The following PHF3 variants were observed in gnomAD, a reference collection of about 807,000 sequenced individuals.
The protein encoded by PHF3 is PHD finger protein 3.
A neutral mutation model predicts 178.4 loss-of-function variants in PHF3; 41 were observed. The observed-to-expected ratio is 0.23, with a 90% CI of 0.18 to 0.30. The LOEUF is 0.30. PHF3 is among the 10% of genes least tolerant of loss of function. The pLI is 1.00. For synonymous variants in PHF3, 842 were observed against 800.5 expected (o/e 1.05, Z -0.88); for missense variants, 2,346 against 2,398.1 (o/e 0.98, Z 0.45).
chr6:63,673,567 C>T (rs1273795407), intron 2 of PHF3, among the ~76,000 whole-genome samples: 5 of 152,204 alleles, frequency 3.3e-5, no homozygotes. Flanking sequence ...GTTAATCCTT[C>T]ACATCTACAA....
chr6:63,707,879 T>TTGTTTC (rs1767762311), intron 13 of PHF3, among the ~76,000 whole-genome samples: 1 of 152,040 alleles, frequency 6.6e-6, no homozygotes, highest in South Asian at 2.1e-4. Flanking sequence ...GTTTTTGTTT[T>TTGTTTC]TGTTTTGAGA....
chr6:63,710,140 T>C (rs1327565319), intron 14 of PHF3, among the ~76,000 whole-genome samples: 2 of 152,166 alleles, frequency 1.3e-5, no homozygotes, highest in Non-Finnish European at 2.9e-5. Context: ...AAAAGAATAT[T>C]TTGTTCCAGT....
chr6:63,724,779 T>C lies in PHF3; in HGVS notation c.*11071T>C, dbSNP rs1768548466. Among the ~76,000 whole-genome samples the C allele has an allele frequency of 6.6e-6, 1 of 152,168 alleles. No individual in the cohort carries two copies. The highest frequency in any genetic ancestry group is 6.5e-5 in the Admixed American group (1 of 15,278). Reference sequence around the variant, plus strand: ...AAGAGATACAGAAACCATGTTAATTTAGAATTTGGTTTTCAATATGTGAAA... The same window carrying C: ...AAGAGATACAGAAACCATGTTAATTCAGAATTTGGTTTTCAATATGTGAAA... On this transcript the variant is annotated 3_prime_UTR_variant, in exon 16 of 16. Coordinates refer to ENST00000262043, the MANE Select transcript of PHF3 (RefSeq NM_001370348.2).
rs1766614408 is a variant in PHF3, at chr6:63,684,959, A to G, written c.1237A>G (p.Ser413Gly). The G allele has an allele frequency of 6.2e-7, 1 of 1,614,000 alleles. No homozygotes were observed. The highest frequency in any genetic ancestry group is 8.5e-7 in the Non-Finnish European group (1 of 1,179,892). ...TGCGGAGTCTAATAGGCAGTTGGAG[A>G]GCACTGAGTTTAATAAATCAAACTT... ...EDAESNRQLESTEFNKSNLEV... is the reference protein window; with the variant it reads ...EDAESNRQLEGTEFNKSNLEV... The change falls in exon 4 of 16, where the codon AGC becomes GGC. Residue 413 changes from serine (S) to glycine (G), a missense_variant. By Grantham distance (56) the Ser-to-Gly change is moderately conservative (BLOSUM62 0). Around this residue, in one of 8 missense-constraint regions of PHF3, gnomAD observed 843 missense variants for 795.2 expected, o/e 1.06. Coordinates refer to ENST00000262043, the MANE Select transcript of PHF3 (RefSeq NM_001370348.2).
intron 1 of PHF3, among the ~76,000 whole-genome samples, chr6:63,638,939 A>C (rs1175265108): frequency 5.3e-5 from 8 of 152,166 alleles, no homozygotes; most frequent in Non-Finnish European, 1.2e-4. Flanking sequence ...TTAAACATAC[A>C]TGAGACCCTG....
At chr6:63,649,301 ATTT>A (rs1764924507) in intron 2 of PHF3, among the ~76,000 whole-genome samples, 1 of 152,102 alleles carries the variant, frequency 6.6e-6, no homozygotes, top group Non-Finnish European at 1.5e-5. Flanking sequence ...ACTTTCAGCT[ATTT>A]ATAAATAACT....
Position 63,646,806 on chromosome 6 carries a change from CTTTTTTT to C in PHF3, c.244+27_244+33del. The stretch of plus-strand genomic sequence containing the variant: ...TGCCTTGTTCAACAGGTAATTCTTA[CTTTTTTT>C]TTTTTTTTTTTTTTTAGTCTGCAAT... On this transcript the variant is annotated intron_variant, in intron 2 of 15. Coordinates refer to ENST00000262043, the MANE Select transcript of PHF3 (RefSeq NM_001370348.2). The C allele has an allele frequency of 5.3e-5, 54 of 1,013,146 alleles. No homozygotes were observed. Among genetic ancestry groups the C allele is most frequent in the East Asian group, 2.3e-4 (6 of 25,946 alleles). The allele number at this position is 1,013,146 out of a possible 1,614,324, so 62.8% of individuals were successfully genotyped here.
Position 63,659,726 on chromosome 6 carries a change from A to G in PHF3, c.244+12931A>G, listed in dbSNP as rs1213867852. Among the ~76,000 whole-genome samples the G allele has an allele frequency of 2.6e-5, 4 of 152,188 alleles. No individual in the cohort carries two copies. In the East Asian group the frequency reaches 5.8e-4, roughly 22 times the overall value. On this transcript the variant is annotated intron_variant, in intron 2 of 15. Transcript: ENST00000262043. ...GCCTAATCTGAAAATCCCAACTCCA[A>G]AATGCTCCAATGAGCATATCCTTTT...
chr6:63,688,716 G>A (rs756877728), intron 4 of PHF3, among the ~76,000 whole-genome samples: 1 of 151,900 alleles, frequency 6.6e-6, no homozygotes, highest in Non-Finnish European at 1.5e-5. Context: ...TATACATTTC[G>A]TTTACTCAGA....
intron 6 of PHF3, among the ~76,000 whole-genome samples, chr6:63,696,384 A>G (rs997478985): frequency 1.3e-5 from 2 of 152,174 alleles, no homozygotes; most frequent in African/African-American, 2.4e-5. Context: ...CAGTAGTGCA[A>G]TAGCAGCTCA....
intron 3 of PHF3, among the ~76,000 whole-genome samples, chr6:63,681,716 G>GT (rs905169051): frequency 6.6e-6 from 1 of 151,886 alleles, no homozygotes; most frequent in Admixed American, 6.6e-5. Context: ...TCCTTTCATA[G>GT]TTTCTGACTT....
intron 2 of PHF3, among the ~76,000 whole-genome samples, chr6:63,671,519 G>C (rs1046434480): frequency 1.3e-5 from 2 of 152,150 alleles, no homozygotes; most frequent in Non-Finnish European, 2.9e-5. Context: ...GTTAGGGAAG[G>C]CCTCTCTCAA....
chr6:63,690,646 T>C (rs1166897626), intron 4 of PHF3, among the ~76,000 whole-genome samples: 2 of 152,150 alleles, frequency 1.3e-5, no homozygotes. Context: ...TAGCACGGTC[T>C]TTAGATTGTT....
intron 1 of PHF3, among the ~76,000 whole-genome samples, chr6:63,639,238 C>G (rs1764474929): frequency 6.6e-6 from 1 of 152,146 alleles, no homozygotes; most frequent in African/African-American, 2.4e-5. Flanking sequence ...TTGGCATAAT[C>G]TAACTTTATT....
At position 63,716,517 on chromosome 6, in the gene PHF3, A is replaced by G. The variant is rs187309561; in HGVS notation, c.*2809A>G. ...TCCTAATTCTCTATTCCTGTTTTCT[A>G]TTGCTGTTGTGATGAATTACTACAA... is the stretch of plus-strand genomic sequence containing the variant. On this transcript the variant is annotated 3_prime_UTR_variant, in exon 16 of 16. Transcript: ENST00000262043. 3.5e-4 allele frequency among the ~76,000 whole-genome samples: 54 copies of G among 152,164 alleles called. No individual in the cohort carries two copies. The highest frequency in any genetic ancestry group is 1.2e-3 in the African/African-American group (50 of 41,540).
In PHF3 at chr6:63,721,752, C is replaced by T. The variant is rs772060050; in HGVS notation, c.*8044C>T. On this transcript the variant is annotated 3_prime_UTR_variant, in exon 16 of 16. Coordinates refer to ENST00000262043, the MANE Select transcript of PHF3 (RefSeq NM_001370348.2). ...GATAGTTCTGTCGCCAAGGTTGTAG[C>T]GAAGTTGAACGGAACTATTTACTAA... The T allele has an allele frequency of 7.1e-6, 11 of 1,550,894 alleles. No individual in the cohort carries two copies. The highest frequency in any genetic ancestry group is 6.0e-5 in the South Asian group (5 of 83,992).
Position 63,721,179 on chromosome 6 carries a change from T to C in PHF3, c.*7471T>C. The C allele has an allele frequency of 2.6e-6, 4 of 1,551,642 alleles. No homozygotes were observed. The highest frequency in any genetic ancestry group is 3.5e-6 in the Non-Finnish European group (4 of 1,146,896). On this transcript the variant is annotated 3_prime_UTR_variant, in exon 16 of 16. Transcript: ENST00000262043. Reference sequence around the variant, plus strand: ...AAATTTTGCAGTTGAAAATGAAGTTTTGTTTTCACAATACCTTCCCACCCA... The same window carrying C: ...AAATTTTGCAGTTGAAAATGAAGTTCTGTTTTCACAATACCTTCCCACCCA...
chr6:63,713,471 C>G lies in PHF3; in HGVS notation c.5883C>G (p.Ser1961Arg). The change falls in exon 16 of 16, where the codon AGC becomes AGG. Residue 1961 changes from serine (S) to arginine (R), a missense_variant. Ser to Arg is a moderately radical substitution (Grantham distance 110). Around this residue, in one of 8 missense-constraint regions of PHF3, gnomAD observed 839 missense variants for 806.9 expected, o/e 1.04. Coordinates refer to ENST00000262043, the MANE Select transcript of PHF3 (RefSeq NM_001370348.2). ...RSQDKDRDRK[S>R]REEGHKDKER... ...AAGACAAGGACAGAGACAGAAAAAG[C>G]AGGGAGGAAGGGCACAAAGATAAAG... is the stretch of plus-strand genomic sequence containing the variant. The G allele has an allele frequency of 6.2e-7, 1 of 1,613,642 alleles. No individual in the cohort carries two copies. The highest frequency in any genetic ancestry group is 1.3e-5 in the African/African-American group (1 of 74,942).
intron 9 of PHF3, 66 bp downstream of exon 9, chr6:63,700,532 T>C (rs1050746799): frequency 1.2e-6 from 1 of 851,786 alleles, no homozygotes; most frequent in African/African-American, 1.7e-5. Context: ...TGGGTAAAAA[T>C]TATACAGAGG....
Sources: gnomAD v4.1 joint callset for allele counts (sites outside exome capture counted in the v4.1 genomes callset) on GRCh38, gnomAD v4.1.1 for gene constraint, gnomAD v4.1.1 regional missense constraint, MANE v1.5 for transcripts, NCBI Gene and HGNC (gene_info 2026-07-23, HGNC 2026-07-21) for gene names.